Variants in NNMT observed in about 807,000 individuals in gnomAD.
The protein encoded by NNMT is nicotinamide N-methyltransferase.
A neutral mutation model predicts 11.7 loss-of-function variants in NNMT; 10 were observed. The ratio of observed to expected loss-of-function variants is 0.85; its 90% CI spans 0.53 to 1.45. The LOEUF (loss-of-function observed/expected upper bound fraction) is 1.45, where lower values mean the gene tolerates loss of function less well. NNMT is among the 40% of genes most tolerant of loss of function. NNMT has a pLI of 0.00. For missense variants in NNMT, 381 were observed against 319.4 expected, an observed-to-expected ratio of 1.19 and a Z score of -1.47; for synonymous variants, 143 against 133.8, an observed-to-expected ratio of 1.07 and a Z score of -0.48.
In NNMT at chr11:114,275,762, T is replaced by C. The variant is rs568119710; in HGVS notation, c.-130+12828T>C. Among the ~76,000 whole-genome samples, 8 of 152,224 alleles carry C rather than the reference T, an allele frequency of 5.3e-5. No homozygotes were observed. In the South Asian group the frequency reaches 1.5e-3, roughly 28 times the overall value. ...TGTGAGTGTATAGGGGTTATGGTTA[T>C]GGTTAGGGTTAGGATTTGAATATTC... On this transcript the variant is annotated intron_variant, in intron 2 of 4. Transcript: ENST00000535401.
intron 2 of NNMT, among the ~76,000 whole-genome samples, chr11:114,275,319 C>A (rs1003754653): frequency 6.6e-6 from 1 of 152,188 alleles, no homozygotes; most frequent in African/African-American, 2.4e-5. Flanking sequence ...TACTGGATGT[C>A]CTCAACAACA....
At chr11:114,276,634 G>A (rs955574521) in intron 2 of NNMT, among the ~76,000 whole-genome samples, 1 of 152,180 alleles carries the variant, frequency 6.6e-6, no homozygotes, top group Non-Finnish European at 1.5e-5. Context: ...TTAGACCAGA[G>A]AAATAAAGCT....
chr11:114,272,707 G>C (rs1210529353), intron 2 of NNMT, among the ~76,000 whole-genome samples: 1 of 152,184 alleles, frequency 6.6e-6, no homozygotes, highest in East Asian at 1.9e-4. Context: ...CACCAGTGTG[G>C]CTCATGAAAA....
intron 2 of NNMT, among the ~76,000 whole-genome samples, chr11:114,285,811 A>G (rs1305491397): frequency 3.3e-5 from 5 of 152,156 alleles, no homozygotes; most frequent in African/African-American, 1.2e-4. Flanking sequence ...AGGTGAAGGG[A>G]GCAGGCTCCT....
intron 2 of NNMT, among the ~76,000 whole-genome samples, chr11:114,267,189 C>T (rs1945128559): frequency 6.6e-6 from 1 of 152,184 alleles, no homozygotes; most frequent in South Asian, 2.1e-4. Context: ...CACTTGAACC[C>T]AGGTGGCAGA....
At chr11:114,298,677 T>C (rs1417045959) in intron 2 of NNMT, among the ~76,000 whole-genome samples, 1 of 152,158 alleles carries the variant, frequency 6.6e-6, no homozygotes, top group African/African-American at 2.4e-5. Flanking sequence ...GTAAGAAACA[T>C]AAAGGAATTA....
upstream of NNMT, among the ~76,000 whole-genome samples, chr11:114,295,067 G>A (rs1326273634): frequency 6.6e-6 from 1 of 152,240 alleles, no homozygotes; most frequent in African/African-American, 2.4e-5. Flanking sequence ...AGGATGTGCT[G>A]CTGGGCAAAG....
At chr11:114,290,506 A>C (rs1156722748) in intron 2 of NNMT, among the ~76,000 whole-genome samples, 1 of 152,212 alleles carries the variant, frequency 6.6e-6, no homozygotes, top group Admixed American at 6.5e-5. Context: ...GGGAATGGGG[A>C]AGTGAGACAG....
At chr11:114,301,910 G>C (rs76511793) in intron 2 of NNMT, among the ~76,000 whole-genome samples, 1 of 151,864 alleles carries the variant, frequency 6.6e-6, no homozygotes, top group African/African-American at 2.4e-5. Context: ...TTGTCCTGGG[G>C]AGTGAGCTTG....
intron 2 of NNMT, among the ~76,000 whole-genome samples, chr11:114,263,589 G>A (rs762130571): frequency 2.0e-5 from 3 of 152,150 alleles, no homozygotes; most frequent in Non-Finnish European, 4.4e-5. Flanking sequence ...TGCCCACGAT[G>A]GCACCAGCTC....
chr11:114,298,153 G>A lies in NNMT; in HGVS notation c.357G>A (p.Gly119=), dbSNP rs747266840. The A allele has an allele frequency of 1.9e-6, 3 of 1,613,976 alleles. No homozygotes were observed. In the South Asian group the frequency reaches 3.3e-5, roughly 18 times the overall value. The change falls in exon 2 of 3, where the codon GGG becomes GGA. Residue 119 remains glycine (G), a synonymous_variant. Transcript: ENST00000299964. The part of the protein sequence containing the change: ...PVVTYVCDLE[G]NRVKGPEKEE... ...TGACCTATGTGTGTGATCTTGAAGG[G>A]AACAGGTAGAGAAACTGGTGTCTAC...
At chr11:114,304,596 CTTT>C (rs1175592489) in intron 2 of NNMT, among the ~76,000 whole-genome samples, 3 of 152,212 alleles carry the variant, frequency 2.0e-5, no homozygotes, top group Non-Finnish European at 4.4e-5. Flanking sequence ...ATGATTTCTT[CTTT>C]ATCTGAAGTT....
In NNMT at chr11:114,258,420, G is replaced by T. The variant is rs1945048163; in HGVS notation, c.-217+542G>T. Among the ~76,000 whole-genome samples the T allele has an allele frequency of 2.0e-5, 3 of 152,228 alleles. No individual in the cohort carries two copies. In the South Asian group the frequency reaches 6.2e-4, roughly 31 times the overall value. On this transcript the variant is annotated intron_variant, in intron 1 of 4. Coordinates refer to the NNMT transcript ENST00000535401. ...TTGCTGAAGACTCAGGCAAGTTGCA[G>T]CCCGTGAGAAGAGGCATAAGGGAAG...
At position 114,312,501 on chromosome 11, in the gene NNMT, A is replaced by G; in HGVS notation, c.*24A>G. On this transcript the variant is annotated 3_prime_UTR_variant, in exon 3 of 3. Coordinates refer to ENST00000299964, the MANE Select transcript of NNMT (RefSeq NM_006169.3). ...GATGCCTGTGACCTCAATTAAAGCA[A>G]TTCCTTTGACCTGTCCAGTTGACTT... 10 of 1,601,204 alleles carry G rather than the reference A, an allele frequency of 6.2e-6. No individual in the cohort carries two copies. Among genetic ancestry groups the G allele is most frequent in the Non-Finnish European group, 8.5e-6 (10 of 1,173,210 alleles).
intron 2 of NNMT, among the ~76,000 whole-genome samples, chr11:114,285,219 T>C (rs764882133): frequency 2.0e-5 from 3 of 152,202 alleles, no homozygotes; most frequent in Non-Finnish European, 4.4e-5. Context: ...CGCTGGAGTA[T>C]TGATAACCAG....
chr11:114,280,506 C>T (rs551584302), intron 2 of NNMT, among the ~76,000 whole-genome samples: 1 of 152,270 alleles, frequency 6.6e-6, no homozygotes, highest in African/African-American at 2.4e-5. Context: ...ACCCTGTCTG[C>T]CCGCCCTGCC....
intron 2 of NNMT, among the ~76,000 whole-genome samples, chr11:114,283,974 C>T (rs1475660448): frequency 1.3e-5 from 2 of 152,108 alleles, no homozygotes; most frequent in South Asian, 2.1e-4. Flanking sequence ...AAATAGGTAT[C>T]GTACCGTTAC....
chr11:114,296,837 T>A, intron 1 of NNMT, 127 bp downstream of exon 1: 1 of 912,696 alleles, frequency 1.1e-6, no homozygotes, highest in Non-Finnish European at 1.7e-6. Context: ...TTTATTTAAC[T>A]AGGATAAAAA....
chr11:114,284,375 G>T (rs1053279856), intron 2 of NNMT, among the ~76,000 whole-genome samples: 4 of 152,234 alleles, frequency 2.6e-5, no homozygotes, highest in African/African-American at 9.6e-5. Flanking sequence ...ATGGAAACTG[G>T]TCCTGGCTGA....
Sources: allele counts gnomAD v4.1 joint callset (sites outside exome capture counted in the v4.1 genomes callset), GRCh38; gene constraint gnomAD v4.1.1; transcripts MANE v1.5; gene names NCBI Gene and HGNC (gene_info 2026-07-23, HGNC 2026-07-21).